Variants in ZNG1E observed in about 807,000 individuals in gnomAD.
ZNG1E encodes Zn regulated GTPase metalloprotein activator 1E, also known as zinc-regulated GTPase metalloprotein activator 1E.
chr9:65,668,467 A>T, the ZNG1E span, among the ~76,000 whole-genome samples: 1 of 150,580 alleles, frequency 6.6e-6, no homozygotes, highest in East Asian at 1.9e-4. Context: ...TTCAGGTATA[A>T]TACATAATTT....
the ZNG1E span, among the ~76,000 whole-genome samples, chr9:65,718,970 TTTG>T: frequency 1.2e-5 from 1 of 83,916 alleles, no homozygotes; most frequent in Admixed American, 1.3e-4. Context: ...TTTTTTTTTT[TTTG>T]CTGCATATGA....
chr9:65,665,280 C>T, the ZNG1E span, among the ~76,000 whole-genome samples: 2 of 152,266 alleles, frequency 1.3e-5, no homozygotes, highest in African/African-American at 4.8e-5. Flanking sequence ...TGGGCTGGGC[C>T]CAGGGTCCCT....
chr9:65,669,781 A>AT, the ZNG1E span, among the ~76,000 whole-genome samples: 1 of 152,102 alleles, frequency 6.6e-6, no homozygotes, highest in Non-Finnish European at 1.5e-5. Context: ...TGAAATGTAC[A>AT]TTTTTCACCT....
chr9:65,711,656 G>T, the ZNG1E span, among the ~76,000 whole-genome samples: 3 of 146,702 alleles, frequency 2.0e-5, no homozygotes, highest in Non-Finnish European at 3.0e-5. Flanking sequence ...TGGATTACAT[G>T]TATTGATTTG....
chr9:65,693,073 T>C, the ZNG1E span, among the ~76,000 whole-genome samples: 2 of 152,288 alleles, frequency 1.3e-5, no homozygotes, highest in African/African-American at 2.4e-5. Context: ...ATGGCACGCG[T>C]TTACCTATGT....
the ZNG1E span, among the ~76,000 whole-genome samples, chr9:65,673,628 C>G: frequency 6.6e-6 from 1 of 152,364 alleles, no homozygotes; most frequent in Non-Finnish European, 1.5e-5. Context: ...TAGTGAGACC[C>G]TGTCTCTACC....
At chr9:65,709,262 GAAA>G in the ZNG1E span, among the ~76,000 whole-genome samples, 1 of 149,202 alleles carries the variant, frequency 6.7e-6, no homozygotes, top group Non-Finnish European at 1.5e-5. Flanking sequence ...GAAATACATG[GAAA>G]ATTTTAGCTT....
chr9:65,660,872 A>G, the ZNG1E span, among the ~76,000 whole-genome samples: 516 of 143,178 alleles, frequency 3.6e-3, no homozygotes, highest in East Asian at 0.015. Flanking sequence ...AAATTTATAT[A>G]TAAATAAATA....
At chr9:65,678,518 G>T in the ZNG1E span, among the ~76,000 whole-genome samples, 6 of 141,940 alleles carry the variant, frequency 4.2e-5, 1 homozygote, top group African/African-American at 8.3e-5. Context: ...TAAAACACTG[G>T]AAACAAACCA....
the ZNG1E span, among the ~76,000 whole-genome samples, chr9:65,709,296 T>C: frequency 9.9e-5 from 15 of 150,806 alleles, no homozygotes; most frequent in South Asian, 3.1e-3. Context: ...CACAAATAAC[T>C]CTCTTCACTT....
At chr9:65,693,735 T>C in the ZNG1E span, among the ~76,000 whole-genome samples, 2 of 151,652 alleles carry the variant, frequency 1.3e-5, no homozygotes, top group Non-Finnish European at 2.9e-5. Flanking sequence ...TTTTGTATTT[T>C]TAGTAGAGAC....
chr9:65,721,279 G>A, the ZNG1E span, among the ~76,000 whole-genome samples: 1 of 136,560 alleles, frequency 7.3e-6, no homozygotes, highest in East Asian at 2.0e-4. Context: ...ACAGGGCTTG[G>A]TGGATACTCA....
the ZNG1E span, chr9:65,679,595 G>C: frequency 5.3e-6 from 2 of 374,072 alleles, no homozygotes; most frequent in African/African-American, 2.1e-5. Context: ...TCTCTCTGTC[G>C]CCAGGCTGGA....
At chr9:65,675,388 T>C in the ZNG1E span, among the ~76,000 whole-genome samples, 1 of 150,508 alleles carries the variant, frequency 6.6e-6, no homozygotes, top group Non-Finnish European at 1.5e-5. Context: ...GCATGAATAC[T>C]AAAAATTTGG....
the ZNG1E span, among the ~76,000 whole-genome samples, chr9:65,665,339 T>A: frequency 6.6e-6 from 1 of 152,374 alleles, no homozygotes; most frequent in South Asian, 2.1e-4. Context: ...CAGCCATGAA[T>A]GAAAGGAGCC....
chr9:65,664,251 T>A, the ZNG1E span, among the ~76,000 whole-genome samples: 2 of 151,798 alleles, frequency 1.3e-5, no homozygotes, highest in African/African-American at 4.9e-5. Flanking sequence ...AAACGGGATT[T>A]TTTTTGGGGG....
chr9:65,669,851 A>G, the ZNG1E span, among the ~76,000 whole-genome samples: 1 of 149,718 alleles, frequency 6.7e-6, no homozygotes, highest in Non-Finnish European at 1.5e-5. Context: ...CAGTGGTTGT[A>G]TATCTTAAAA....
the ZNG1E span, among the ~76,000 whole-genome samples, chr9:65,672,263 CTAT>C: frequency 7.8e-6 from 1 of 128,680 alleles, no homozygotes; most frequent in African/African-American, 3.0e-5. Flanking sequence ...CAAAACATTA[CTAT>C]TGTTGTTGTT....
At chr9:65,686,685 A>G in the ZNG1E span, among the ~76,000 whole-genome samples, 4 of 152,268 alleles carry the variant, frequency 2.6e-5, no homozygotes, top group South Asian at 2.1e-4. Flanking sequence ...TAGTGTAGCT[A>G]CTTTCACGAA....
Sources: allele counts gnomAD v4.1 joint callset (sites outside exome capture counted in the v4.1 genomes callset), GRCh38; gene constraint gnomAD v4.1.1; transcripts MANE v1.5; gene names NCBI Gene and HGNC (gene_info 2026-07-23, HGNC 2026-07-21).